The following UBN2 variants were observed in gnomAD, a reference collection of about 807,000 sequenced individuals.
UBN2 encodes the protein ubinuclein 2.
A neutral mutation model predicts 120.2 loss-of-function variants in UBN2; 35 were observed. The observed-to-expected ratio is 0.29, with a 90% CI of 0.22 to 0.39. The LOEUF is 0.39. Among genes scored for constraint, UBN2 ranks in the 10% least tolerant of loss-of-function variants. UBN2 has a pLI of 1.00. For missense variants in UBN2, 1,693 were observed against 1,663.2 expected, an observed-to-expected ratio of 1.02 and a Z score of -0.31; for synonymous variants, 661 against 648.7, an observed-to-expected ratio of 1.02 and a Z score of -0.29.
At chr7:139,314,960 TATAATA>T in the UBN2 span, among the ~76,000 whole-genome samples, 6 of 150,572 alleles carry the variant, frequency 4.0e-5, no homozygotes, top group African/African-American at 7.3e-5. Flanking sequence ...ATCTTTTTGA[TATAATA>T]ATAATAATAA....
rs895612663 is a variant in UBN2 at position 139,304,350 on chromosome 7, T to G, written c.*6514T>G. The G allele has an allele frequency of 1.3e-5, 2 of 152,080 alleles. No homozygotes were observed. Among genetic ancestry groups the G allele is most frequent in the Non-Finnish European group, 2.9e-5 (2 of 68,030 alleles). The allele number at this position is 152,080 out of a possible 1,614,324, so 9.4% of individuals were successfully genotyped here. On this transcript the variant is annotated 3_prime_UTR_variant, in exon 18 of 18. Transcript: ENST00000473989. ...GGGAAGGTCAGGGTAGAAGGAAACA[T>G]GTTTTCCCCAGCTCCCAGGAGGAGA...
chr7:139,287,749 C>T (rs534564781), intron 15 of UBN2, among the ~76,000 whole-genome samples: 1 of 149,678 alleles, frequency 6.7e-6, no homozygotes, highest in Non-Finnish European at 1.5e-5. Flanking sequence ...TACCCTTTGG[C>T]GAAAGTAAGG....
rs559074424 is a variant in UBN2, at chr7:139,259,910, G to A, written c.905+540G>A. Reference sequence around the variant, plus strand: ...ATTACAGGTGTATGTCATCACACCCGGCTAATTTTTGTATTTTTAGTAGAG... The same window carrying A: ...ATTACAGGTGTATGTCATCACACCCAGCTAATTTTTGTATTTTTAGTAGAG... On this transcript the variant is annotated intron_variant, in intron 5 of 17. Coordinates refer to ENST00000473989, the MANE Select transcript of UBN2 (RefSeq NM_173569.4). 2.5e-3 allele frequency among the ~76,000 whole-genome samples: 380 copies of A among 151,862 alleles called. 4 individuals carry two copies. Among genetic ancestry groups the A allele is most frequent in the African/African-American group, 8.6e-3 (357 of 41,398 alleles).
chr7:139,291,360 CAAAAAAAAAA>C (rs774759708), intron 15 of UBN2, among the ~76,000 whole-genome samples: 1 of 43,426 alleles, frequency 2.3e-5, no homozygotes, highest in South Asian at 7.7e-4. Flanking sequence ...GACTCTGTCT[CAAAAAAAAAA>C]AAAAAAAAAA....
At chr7:139,280,348 AT>A (rs1797570497) in intron 13 of UBN2, among the ~76,000 whole-genome samples, 1 of 152,324 alleles carries the variant, frequency 6.6e-6, no homozygotes, top group Admixed American at 6.5e-5. Context: ...GGAATAAAAA[AT>A]ATCCTATCAA....
chr7:139,267,971 G>A (rs1420644074), intron 7 of UBN2, among the ~76,000 whole-genome samples: 2 of 152,132 alleles, frequency 1.3e-5, no homozygotes, highest in East Asian at 3.8e-4. Context: ...CCATAGTCAG[G>A]GATCTGACCA....
chr7:139,254,022 G>A (rs55891353), intron 3 of UBN2, among the ~76,000 whole-genome samples: 5,594 of 152,232 alleles, frequency 0.037, 151 homozygotes, highest in South Asian at 0.085. Flanking sequence ...GGCCGGGTGC[G>A]GTGGCTCACG....
At position 139,293,288 on chromosome 7, in the gene UBN2, A is replaced by T. The variant is rs1798015380; in HGVS notation, c.3726A>T (p.Ser1242=). 1 of 1,614,030 alleles carries T rather than the reference A, an allele frequency of 6.2e-7. No individual in the cohort carries two copies. The highest frequency in any genetic ancestry group is 1.3e-5 in the African/African-American group (1 of 74,892). ...CCTCACCTCTGACTCTCATGACATC[A>T]CCTTTGTCTGTAACAAATCAAAATG... The part of the protein sequence containing the change: ...ANASPLTLMT[S]PLSVTNQNVT... Residue 1242 remains serine (S), a synonymous_variant, in exon 16 of 18, where the codon TCA becomes TCT. Coordinates refer to ENST00000473989, the MANE Select transcript of UBN2 (RefSeq NM_173569.4).
downstream of UBN2, among the ~76,000 whole-genome samples, chr7:139,309,414 GTGT>G (rs1457141898): frequency 5.3e-5 from 8 of 152,342 alleles, no homozygotes; most frequent in East Asian, 3.9e-4. Flanking sequence ...TTGCAAAAGT[GTGT>G]TGTTGTCAGC....
intron 7 of UBN2, among the ~76,000 whole-genome samples, chr7:139,267,969 A>C (rs754659960): frequency 3.9e-5 from 6 of 152,220 alleles, no homozygotes; most frequent in Non-Finnish European, 7.3e-5. Flanking sequence ...TTCCATAGTC[A>C]GGGATCTGAC....
At chr7:139,289,070 C>A (rs540445484) in intron 15 of UBN2, among the ~76,000 whole-genome samples, 55 of 151,702 alleles carry the variant, frequency 3.6e-4, no homozygotes, top group Middle Eastern at 6.8e-3. Flanking sequence ...GTTTTTTCCC[C>A]TGGGAATAAA....
At chr7:139,322,762 TCTC>T in the UBN2 span, among the ~76,000 whole-genome samples, 1 of 151,826 alleles carries the variant, frequency 6.6e-6, no homozygotes, top group Non-Finnish European at 1.5e-5. Context: ...TCAGTCTCGA[TCTC>T]CTGACCTCAT....
intron 8 of UBN2, among the ~76,000 whole-genome samples, chr7:139,270,755 T>A (rs963936158): frequency 3.9e-5 from 6 of 151,994 alleles, no homozygotes; most frequent in Non-Finnish European, 7.4e-5. Context: ...TTTAATTTTT[T>A]TTTTTTGAGA....
At chr7:139,318,766 C>T in the UBN2 span, among the ~76,000 whole-genome samples, 1 of 152,130 alleles carries the variant, frequency 6.6e-6, no homozygotes, top group African/African-American at 2.4e-5. Context: ...AGGGACATTA[C>T]CAACCCAAGA....
At chr7:139,268,644 CAG>C (rs1797167393) in intron 7 of UBN2, among the ~76,000 whole-genome samples, 3 of 152,208 alleles carry the variant, frequency 2.0e-5, no homozygotes, top group South Asian at 4.2e-4. Flanking sequence ...TCTTTTGAGA[CAG>C]GGTGTCACTC....
intron 2 of UBN2, among the ~76,000 whole-genome samples, chr7:139,238,673 T>C (rs746532293): frequency 9.9e-5 from 15 of 152,184 alleles, no homozygotes; most frequent in Non-Finnish European, 1.8e-4. Flanking sequence ...CTGTCCACCT[T>C]GGCCTCCCAA....
chr7:139,324,723 C>T, the UBN2 span, among the ~76,000 whole-genome samples: 42 of 152,274 alleles, frequency 2.8e-4, no homozygotes, highest in African/African-American at 9.9e-4. Flanking sequence ...ATAATCCCAG[C>T]ACTTCGGGAG....
chr7:139,242,261 T>A (rs1422595637), intron 2 of UBN2, among the ~76,000 whole-genome samples: 2 of 152,210 alleles, frequency 1.3e-5, no homozygotes, highest in Non-Finnish European at 2.9e-5. Flanking sequence ...TTCTGGGAGT[T>A]GTAAGAATCA....
In UBN2 at chr7:139,306,690, G is replaced by A. The variant is rs1798364814; in HGVS notation, c.*8854G>A. ...GTCATTGAAAACTTACTTTATTTCA[G>A]AAAGTATCAAAAATACCAAATTGGT... is the stretch of plus-strand genomic sequence containing the variant. On this transcript the variant is annotated 3_prime_UTR_variant, in exon 18 of 18. Transcript: ENST00000473989. 6.6e-6 allele frequency: 1 copy of A among 152,120 alleles called. No homozygotes were observed. 9.4% of individuals were successfully genotyped at this position (152,120 alleles called of 1,614,324 possible).
Sources: gnomAD v4.1 joint callset for allele counts (sites outside exome capture counted in the v4.1 genomes callset) on GRCh38, gnomAD v4.1.1 for gene constraint, MANE v1.5 for transcripts, NCBI Gene and HGNC (gene_info 2026-07-23, HGNC 2026-07-21) for gene names.